YWHAQ: variants seen among roughly 807,000 people sequenced by gnomAD.
YWHAQ encodes the protein 14-3-3 protein theta.
In YWHAQ, 6 loss-of-function variants were observed where a neutral mutation model predicts 28.3. The observed-to-expected ratio is 0.21, with a 90% CI of 0.12 to 0.42. The LOEUF (loss-of-function observed/expected upper bound fraction) is 0.42. Ranked by LOEUF, YWHAQ falls within the 10% of genes least tolerant of loss-of-function variation. The pLI, the probability that YWHAQ is intolerant of heterozygous loss-of-function variation, is 1.00. For synonymous variants in YWHAQ, 143 were observed against 119.1 expected (o/e 1.20, Z -1.31); for missense variants, 201 against 305.6 (o/e 0.66, Z 2.55).
At chr2:9,615,099 C>T (rs533982706) in intron 2 of YWHAQ, among the ~76,000 whole-genome samples, 44 of 152,234 alleles carry the variant, frequency 2.9e-4, no homozygotes, top group African/African-American at 9.4e-4. Flanking sequence ...CAATACTGAT[C>T]TGAATTGGGC....
intron 2 of YWHAQ, among the ~76,000 whole-genome samples, chr2:9,608,140 T>C (rs1666872792): frequency 6.6e-6 from 1 of 152,252 alleles, no homozygotes; most frequent in Non-Finnish European, 1.5e-5. Context: ...CATGACTTTC[T>C]GGTTCCGGCA....
chr2:9,600,312 A>AC (rs1666663115), intron 2 of YWHAQ, among the ~76,000 whole-genome samples: 1 of 152,218 alleles, frequency 6.6e-6, no homozygotes, highest in African/African-American at 2.4e-5. Flanking sequence ...GCATAAACTT[A>AC]GTTGATAGAG....
At chr2:9,597,408 G>A (rs1169463806) in intron 2 of YWHAQ, among the ~76,000 whole-genome samples, 1 of 152,150 alleles carries the variant, frequency 6.6e-6, no homozygotes, top group African/African-American at 2.4e-5. Flanking sequence ...AGCACTTTGG[G>A]AGGCCGGGGT....
At chr2:9,589,981 G>A (rs1331158596) in intron 3 of YWHAQ, among the ~76,000 whole-genome samples, 3 of 152,164 alleles carry the variant, frequency 2.0e-5, no homozygotes, top group Non-Finnish European at 4.4e-5. Context: ...CCTCTGAAAT[G>A]GCACATTTAT....
In YWHAQ at chr2:9,629,650, T is replaced by TG. The variant is rs571438872; in HGVS notation, c.294+508dup. 1.9e-4 allele frequency among the ~76,000 whole-genome samples: 28 copies of TG among 145,070 alleles called. No individual in the cohort carries two copies. The South Asian group carries it at 2.2e-3, about 11-fold the overall frequency. On this transcript the variant is annotated intron_variant, in intron 2 of 5. Transcript: ENST00000238081. ...CCCCTCCTCTCCTGTTTATGGGGGG[T>TG]GGGGGGGAGCACAACAGATACTCTT...
At chr2:9,592,522 G>A (rs1396149782) in intron 2 of YWHAQ, among the ~76,000 whole-genome samples, 2 of 152,012 alleles carry the variant, frequency 1.3e-5, no homozygotes, top group Admixed American at 6.6e-5. Flanking sequence ...TCAGGAGTTC[G>A]AGACCAGCCT....
rs1354412760 is a variant in YWHAQ at position 9,630,920 on chromosome 2, C to G, written c.-83+21G>C. The stretch of plus-strand genomic sequence containing the variant: ...TCCGAGCGCGGCCGGAGGAAGCCCG[C>G]GGGCCGACCCAGGCGCTCACCTTCA... On this transcript the variant is annotated intron_variant, in intron 1 of 5. Transcript: ENST00000238081. This position sits in a 1 kb window ranked among gnomAD's most constrained non-coding sequence, Gnocchi z 5.6. 2 of 152,756 alleles carry G rather than the reference C, an allele frequency of 1.3e-5. No individual in the cohort carries two copies. Among genetic ancestry groups the G allele is most frequent in the African/African-American group, 4.8e-5 (2 of 41,464 alleles). The allele number at this position is 152,756 out of a possible 1,614,324, so 9.5% of individuals were successfully genotyped here. A position where few individuals can be genotyped will look rare whatever the true frequency, so the allele number is the denominator to read the frequency against.
intron 2 of YWHAQ, among the ~76,000 whole-genome samples, chr2:9,619,535 G>A (rs983372322): frequency 5.9e-5 from 9 of 151,628 alleles, no homozygotes; most frequent in Non-Finnish European, 1.3e-4. Context: ...GAGACAGAGG[G>A]AGACCTTGTC....
chr2:9,593,895 G>GATT (rs1666509085), intron 2 of YWHAQ, among the ~76,000 whole-genome samples: 1 of 71,386 alleles, frequency 1.4e-5, no homozygotes, highest in African/African-American at 8.1e-5. Flanking sequence ...ATTTTAAATA[G>GATT]ATTAAAAAAA....
At chr2:9,604,029 C>T (rs919770413) in intron 2 of YWHAQ, among the ~76,000 whole-genome samples, 4 of 152,148 alleles carry the variant, frequency 2.6e-5, no homozygotes, top group Admixed American at 1.3e-4. Flanking sequence ...ACTGAAAGAA[C>T]AGCTGGACAA....
chr2:9,597,985 A>ATTT (rs547582835), intron 2 of YWHAQ, among the ~76,000 whole-genome samples: 1,252 of 62,464 alleles, frequency 0.02, 118 homozygotes, highest in Non-Finnish European at 0.029. Context: ...ATGCCGGGCT[A>ATTT]TTTTTTTTTT....
At chr2:9,613,942 T>C (rs1666998427) in intron 2 of YWHAQ, among the ~76,000 whole-genome samples, 1 of 152,158 alleles carries the variant, frequency 6.6e-6, no homozygotes, top group Non-Finnish European at 1.5e-5. Flanking sequence ...CATGAGGCAA[T>C]AAAGTAAGGG....
chr2:9,622,182 T>TAA (rs58983201), intron 2 of YWHAQ, among the ~76,000 whole-genome samples: 13 of 140,636 alleles, frequency 9.2e-5, no homozygotes, highest in Middle Eastern at 3.7e-3. Context: ...CTTAAAGTAT[T>TAA]AAAAAAAAAA....
chr2:9,616,883 C>G (rs556788789), intron 2 of YWHAQ, among the ~76,000 whole-genome samples: 2 of 152,202 alleles, frequency 1.3e-5, no homozygotes, highest in Non-Finnish European at 2.9e-5. Flanking sequence ...CAGCATTATT[C>G]TTAACAGCCT....
chr2:9,587,783 T>A (rs1461964616), intron 4 of YWHAQ, among the ~76,000 whole-genome samples: 2 of 152,244 alleles, frequency 1.3e-5, no homozygotes, highest in Non-Finnish European at 2.9e-5. Flanking sequence ...TCCAGTTAAG[T>A]AGTACTTATC....
At chr2:9,606,344 C>A (rs562087905) in intron 2 of YWHAQ, among the ~76,000 whole-genome samples, 2 of 152,152 alleles carry the variant, frequency 1.3e-5, no homozygotes, top group Non-Finnish European at 2.9e-5. Context: ...GGCAGGCAGA[C>A]TGCCTGAGCT....
chr2:9,605,653 C>T (rs1411022662), intron 2 of YWHAQ, among the ~76,000 whole-genome samples: 2 of 150,996 alleles, frequency 1.3e-5, no homozygotes, highest in South Asian at 2.1e-4. Flanking sequence ...CTCTGCTTCC[C>T]GGGTTCAGGC....
intron 2 of YWHAQ, among the ~76,000 whole-genome samples, chr2:9,623,563 C>T (rs773993746): frequency 3.5e-4 from 53 of 152,128 alleles, no homozygotes; most frequent in Admixed American, 5.2e-4. Flanking sequence ...CACCTGAGGT[C>T]GGGAGTTTGA....
chr2:9,608,513 T>C (rs930946929), intron 2 of YWHAQ, among the ~76,000 whole-genome samples: 1 of 152,190 alleles, frequency 6.6e-6, no homozygotes, highest in Non-Finnish European at 1.5e-5. Flanking sequence ...GCATGATGTA[T>C]GAAAACACAA....
Sources: gnomAD v4.1 joint callset for allele counts (sites outside exome capture counted in the v4.1 genomes callset) on GRCh38, gnomAD v4.1.1 for gene constraint, Gnocchi (gnomAD v3.1) non-coding constraint, MANE v1.5 for transcripts, NCBI Gene and HGNC (gene_info 2026-07-23, HGNC 2026-07-21) for gene names.